Variants in STARD13 observed in about 807,000 individuals in gnomAD.
STARD13 encodes the protein StAR related lipid transfer domain containing 13, also known as stAR-related lipid transfer protein 13.
A neutral mutation model predicts 106.4 loss-of-function variants in STARD13; 62 were observed. The ratio of observed to expected loss-of-function variants is 0.58; its 90% CI spans 0.48 to 0.72. The LOEUF (loss-of-function observed/expected upper bound fraction) is 0.72, where lower values mean the gene tolerates loss of function less well. Among genes scored for constraint, STARD13 ranks in the 30% least tolerant of loss-of-function variants. The pLI is 0.00. For synonymous variants in STARD13, 565 were observed against 553.0 expected (o/e 1.02, Z -0.31); for missense variants, 1,387 against 1,424.0 (o/e 0.97, Z 0.42).
At chr13:33,136,891 G>A (rs679921) in intron 4 of STARD13, among the ~76,000 whole-genome samples, 49,483 of 152,094 alleles carry the variant, frequency 0.33, 8,780 homozygotes, top group Non-Finnish European at 0.41. Flanking sequence ...TTTTGCTGGC[G>A]CCAAGAAGCA....
the STARD13 span, among the ~76,000 whole-genome samples, chr13:33,560,470 G>A: frequency 6.6e-6 from 1 of 151,282 alleles, no homozygotes. Context: ...CAGAATCTAG[G>A]ATGGCAAAAT....
intron 1 of STARD13, 34 bp from the exon 2 acceptor site, chr13:33,167,656 C>T: frequency 6.3e-7 from 1 of 1,591,032 alleles, no homozygotes; most frequent in Non-Finnish European, 8.6e-7. Context: ...ATTGTGAGTC[C>T]CACAGCCGCA....
the STARD13 span, among the ~76,000 whole-genome samples, chr13:33,359,785 T>G: frequency 6.6e-6 from 1 of 152,202 alleles, no homozygotes; most frequent in East Asian, 1.9e-4. Context: ...CCCCACTAGT[T>G]TGTAGAAATT....
chr13:33,368,642 C>T, the STARD13 span, among the ~76,000 whole-genome samples: 1 of 152,014 alleles, frequency 6.6e-6, no homozygotes, highest in Non-Finnish European at 1.5e-5. Flanking sequence ...CTGGAGATAG[C>T]AACATAGGAA....
chr13:33,136,154 G>T (rs906875138), intron 4 of STARD13, among the ~76,000 whole-genome samples: 2 of 134,574 alleles, frequency 1.5e-5, no homozygotes, highest in African/African-American at 4.9e-5. Context: ...TTATACATTT[G>T]CAGTCAAAGT....
the STARD13 span, among the ~76,000 whole-genome samples, chr13:33,620,206 G>A: frequency 3.3e-5 from 5 of 151,722 alleles, no homozygotes; most frequent in East Asian, 3.9e-4. Flanking sequence ...TTTGAAAAAT[G>A]CTATCAACCC....
the STARD13 span, among the ~76,000 whole-genome samples, chr13:33,483,609 A>G: frequency 1.8e-4 from 28 of 152,332 alleles, no homozygotes; most frequent in East Asian, 3.7e-3. Flanking sequence ...TTAGACAATG[A>G]GACGCCAGAA....
chr13:33,165,857 G>C (rs1265033868), intron 2 of STARD13, among the ~76,000 whole-genome samples: 1 of 152,148 alleles, frequency 6.6e-6, no homozygotes, highest in Non-Finnish European at 1.5e-5. Flanking sequence ...TCTATCATCT[G>C]AAATTTTTTT....
chr13:33,612,716 C>G, the STARD13 span, among the ~76,000 whole-genome samples: 1 of 152,276 alleles, frequency 6.6e-6, no homozygotes, highest in Non-Finnish European at 1.5e-5. Flanking sequence ...GGCTCCTGGG[C>G]CCCATGCAAA....
intron 1 of STARD13, among the ~76,000 whole-genome samples, chr13:33,329,451 T>G (rs1371809336): frequency 1.3e-5 from 2 of 152,126 alleles, no homozygotes; most frequent in African/African-American, 4.8e-5. Context: ...TCTTCCCCGC[T>G]CCAGGCAACC....
At chr13:33,358,185 C>A in the STARD13 span, among the ~76,000 whole-genome samples, 1 of 152,176 alleles carries the variant, frequency 6.6e-6, no homozygotes, top group Non-Finnish European at 1.5e-5. Flanking sequence ...GTGCTGCGCT[C>A]GATTTCTCGC....
chr13:33,217,837 A>T (rs1888130482), intron 1 of STARD13, among the ~76,000 whole-genome samples: 1 of 152,220 alleles, frequency 6.6e-6, no homozygotes, highest in Non-Finnish European at 1.5e-5. Context: ...GCAAGGATAA[A>T]CAAAGCACGG....
the STARD13 span, among the ~76,000 whole-genome samples, chr13:33,640,197 A>G: frequency 6.6e-6 from 1 of 152,214 alleles, no homozygotes; most frequent in Non-Finnish European, 1.5e-5. Context: ...TGATCTCTAC[A>G]CAGCAGGTTG....
At chr13:33,652,485 C>T in the STARD13 span, among the ~76,000 whole-genome samples, 3 of 152,120 alleles carry the variant, frequency 2.0e-5, no homozygotes, top group Admixed American at 6.5e-5. Flanking sequence ...AATTTTTCCC[C>T]ATACATTTTA....
chr13:33,626,157 G>A, the STARD13 span, among the ~76,000 whole-genome samples: 4 of 152,252 alleles, frequency 2.6e-5, no homozygotes, highest in East Asian at 7.7e-4. Context: ...CTGCACATGT[G>A]CATACACACA....
intron 1 of STARD13, among the ~76,000 whole-genome samples, chr13:33,231,873 T>TA (rs1269691236): frequency 1.3e-5 from 2 of 152,208 alleles, no homozygotes; most frequent in Non-Finnish European, 2.9e-5. Context: ...AGGGGATTGG[T>TA]TCCAGGCTCC....
the STARD13 span, among the ~76,000 whole-genome samples, chr13:33,496,082 A>G: frequency 1.4e-5 from 2 of 142,138 alleles, no homozygotes; most frequent in African/African-American, 5.0e-5. Flanking sequence ...GTTAATATAT[A>G]ATTATATTAA....
chr13:33,512,768 C>T, the STARD13 span, among the ~76,000 whole-genome samples: 32 of 152,078 alleles, frequency 2.1e-4, no homozygotes, highest in African/African-American at 6.8e-4. Flanking sequence ...TGCGCTCGGC[C>T]GTTTTTTCAC....
the STARD13 span, among the ~76,000 whole-genome samples, chr13:33,457,647 G>A: frequency 2.0e-5 from 3 of 152,182 alleles, no homozygotes; most frequent in Non-Finnish European, 4.4e-5. Context: ...GAAAGTCCAG[G>A]ATCAAGGTGC....
Sources: allele counts gnomAD v4.1 joint callset (sites outside exome capture counted in the v4.1 genomes callset), GRCh38; gene constraint gnomAD v4.1.1; transcripts MANE v1.5; gene names NCBI Gene and HGNC (gene_info 2026-07-23, HGNC 2026-07-21).